The following C17orf99 variants were observed in gnomAD, a reference collection of about 807,000 sequenced individuals.
C17orf99 encodes protein IL-40.
Under a neutral mutation model 22.6 loss-of-function variants are expected in C17orf99, and 18 were observed. That is an observed-to-expected ratio of 0.80 (90% confidence interval 0.55 to 1.18). The LOEUF (loss-of-function observed/expected upper bound fraction) is 1.18, where lower values mean the gene tolerates loss of function less well. Ranked by LOEUF, C17orf99 falls within the 50% of genes most tolerant of loss-of-function variation. The pLI, the probability that C17orf99 is intolerant of heterozygous loss-of-function variation, is 0.00. For synonymous variants in C17orf99, 147 were observed against 136.6 expected (o/e 1.08, Z -0.53); for missense variants, 328 against 342.7 (o/e 0.96, Z 0.34).
At chr17:78,159,505 G>A (rs565239884) in intron 2 of C17orf99, among the ~76,000 whole-genome samples, 45 of 151,852 alleles carry the variant, frequency 3.0e-4, no homozygotes, top group Non-Finnish European at 6.3e-4. Flanking sequence ...CAGGCGTAGT[G>A]GTGGGTGCCT....
At chr17:78,158,005 T>C in intron 2 of C17orf99, 1 of 1,356,518 alleles carries the variant, frequency 7.4e-7, no homozygotes, top group Non-Finnish European at 1.0e-6. Flanking sequence ...TCAAAAGGAA[T>C]GACTTCCAGC....
Position 78,166,142 on chromosome 17 carries a change from G to T in C17orf99, c.*96G>T. On this transcript the variant is annotated 3_prime_UTR_variant, in exon 5 of 5. Coordinates refer to ENST00000340363, the MANE Select transcript of C17orf99 (RefSeq NM_001163075.2). The stretch of plus-strand genomic sequence containing the variant: ...GTTCATGCAAAATGAGTGTGTTTTA[G>T]CTGCTCTTGCCACAAAAAAAAAAAA... 2 of 296,782 alleles carry T rather than the reference G, an allele frequency of 6.7e-6. No homozygotes were observed. The allele number at this position is 296,782 out of a possible 1,614,324, so 18.4% of individuals were successfully genotyped here. A position where few individuals can be genotyped will look rare whatever the true frequency, so the allele number is the denominator to read the frequency against.
At chr17:78,165,771 C>G in intron 4 of C17orf99, 118 bp from the exon 5 acceptor site, 1 of 1,249,286 alleles carries the variant, frequency 8.0e-7, no homozygotes, top group Non-Finnish European at 1.0e-6. Flanking sequence ...CATTGCACTC[C>G]AGCCTGGACA....
At chr17:78,165,782 AAAAGAGC>A (rs2075612808) in intron 4 of C17orf99, 100 bp from the exon 5 acceptor site, 1 of 1,259,740 alleles carries the variant, frequency 7.9e-7, no homozygotes, top group African/African-American at 1.5e-5. Flanking sequence ...AGCCTGGACA[AAAAGAGC>A]AAAACTCCGT....
chr17:78,157,653 C>T (rs1052886405), intron 2 of C17orf99, among the ~76,000 whole-genome samples: 8 of 151,772 alleles, frequency 5.3e-5, no homozygotes, highest in East Asian at 1.9e-4. Context: ...AAAAATTAGC[C>T]GGGCGTGGTG....
At position 78,164,207 on chromosome 17, in the gene C17orf99, G is replaced by T; in HGVS notation, c.483G>T (p.Leu161=). ...GCAGCCCACCTATCACCAACAGCCT[G>T]ATCGGGAAGGATGGGCAGGTCCACC... ...SSGSPPITNS[L]IGKDGQVHLQ... is the part of the protein sequence containing the mutation. Residue 161 remains leucine (L), a synonymous_variant, in exon 4 of 5, where the codon CTG becomes CTT. Coordinates refer to ENST00000340363, the MANE Select transcript of C17orf99 (RefSeq NM_001163075.2). The T allele has an allele frequency of 6.4e-7, 1 of 1,551,652 alleles. No homozygotes were observed.
rs1023110902 is a variant in C17orf99 at position 78,164,815 on chromosome 17, C to T, written c.640+451C>T. 11 of 1,227,252 alleles carry T rather than the reference C, an allele frequency of 9.0e-6. No homozygotes were observed. The Admixed American group carries it at 2.4e-4, about 27-fold the overall frequency. 76.0% of individuals were successfully genotyped at this position (1,227,252 alleles called of 1,614,324 possible). A position where few individuals can be genotyped will look rare whatever the true frequency, so the allele number is the denominator to read the frequency against. On this transcript the variant is annotated intron_variant, in intron 4 of 4. Transcript: ENST00000340363. ...CGGCCATCACCGCTTACGCATGACTCGAAGGTGTTTATGAGGACCTACTGT... is the reference window on the plus strand; with the variant it reads ...CGGCCATCACCGCTTACGCATGACTTGAAGGTGTTTATGAGGACCTACTGT...
chr17:78,146,302 C>T (rs921094757), upstream of C17orf99: 10 of 1,026,564 alleles, frequency 9.7e-6, no homozygotes, highest in African/African-American at 1.1e-4. The surrounding 1 kb of genome is among the most constrained non-coding windows in gnomAD (Gnocchi z 5.2). Flanking sequence ...GTTATCTCCC[C>T]ACTGCAGGCA....
chr17:78,158,726 C>G (rs2075549084), intron 2 of C17orf99: 1 of 166,724 alleles, frequency 6.0e-6, no homozygotes, highest in Non-Finnish European at 1.5e-5. Flanking sequence ...GGAAGCTGCC[C>G]TCCTCTTCCC....
chr17:78,162,282 A>G (rs1431169635), intron 3 of C17orf99, among the ~76,000 whole-genome samples: 1 of 151,534 alleles, frequency 6.6e-6, no homozygotes, highest in Non-Finnish European at 1.5e-5. Flanking sequence ...TCAAAAAAAA[A>G]AAAAAAAAAA....
intron 2 of C17orf99, among the ~76,000 whole-genome samples, chr17:78,148,763 G>T (rs924557286): frequency 2.0e-5 from 3 of 152,216 alleles, no homozygotes; most frequent in Non-Finnish European, 2.9e-5. Context: ...TCAGAGGCAT[G>T]GTGTGGGGTT....
chr17:78,157,285 G>A (rs534318816), intron 2 of C17orf99: 2 of 361,518 alleles, frequency 5.5e-6, no homozygotes, highest in Non-Finnish European at 1.0e-5. Context: ...CCAACACGGT[G>A]AAAACCCATC....
intron 2 of C17orf99, among the ~76,000 whole-genome samples, chr17:78,153,897 GA>G (rs954585766): frequency 2.4e-3 from 318 of 131,466 alleles, no homozygotes; most frequent in African/African-American, 5.8e-3. Context: ...CCTGTTTAGG[GA>G]AAAAAAAAAA....
In C17orf99 at chr17:78,165,991, G is replaced by A. The variant is rs371895105; in HGVS notation, c.743G>A (p.Gly248Glu). 38 of 1,498,546 alleles carry A rather than the reference G, an allele frequency of 2.5e-5. No individual in the cohort carries two copies. The Middle Eastern group carries it at 1.6e-3, about 64-fold the overall frequency. 92.8% of individuals were successfully genotyped at this position (1,498,546 alleles called of 1,614,324 possible). ...CGCCGTCTGAGTGAAGAGGAGTTTG[G>A]GGGGTTCAGGATAGGGAATGGGGAG... Reference protein sequence around the residue: ...STRRLSEEEFGGFRIGNGEVR... With the variant: ...STRRLSEEEFEGFRIGNGEVR... Residue 248 changes from glycine (G) to glutamate (E), a missense_variant, in exon 5 of 5, where the codon GGG becomes GAG. Physicochemically the swap from Gly to Glu is moderately conservative, Grantham distance 98. Transcript: ENST00000340363.
intron 3 of C17orf99, among the ~76,000 whole-genome samples, chr17:78,162,321 T>C (rs1598952519): frequency 6.8e-6 from 1 of 146,424 alleles, no homozygotes; most frequent in Admixed American, 6.8e-5. Context: ...GGCTGGCAAG[T>C]GGCCAAGGCT....
chr17:78,151,496 C>T (rs1386993580), intron 2 of C17orf99, among the ~76,000 whole-genome samples: 4 of 149,504 alleles, frequency 2.7e-5, no homozygotes, highest in African/African-American at 9.9e-5. Flanking sequence ...GAAGGAAACA[C>T]ATTCTCTGAC....
At chr17:78,163,626 G>C (rs1300080660) in intron 3 of C17orf99, among the ~76,000 whole-genome samples, 1 of 152,184 alleles carries the variant, frequency 6.6e-6, no homozygotes, top group East Asian at 1.9e-4. Context: ...CAGCACTTTG[G>C]GAGGCTGAGG....
chr17:78,148,752 G>A (rs1003319676), intron 2 of C17orf99, among the ~76,000 whole-genome samples: 13 of 152,210 alleles, frequency 8.5e-5, no homozygotes, highest in Non-Finnish European at 1.8e-4. Flanking sequence ...ATTGAATGAG[G>A]TCAGAGGCAT....
chr17:78,160,809 C>T, intron 2 of C17orf99, 146 bp from the exon 3 acceptor site: 1 of 652,196 alleles, frequency 1.5e-6, no homozygotes, highest in Non-Finnish European at 2.6e-6. Flanking sequence ...TTTTGAACTC[C>T]TGACCTCAAG....
Sources: allele counts gnomAD v4.1 joint callset (sites outside exome capture counted in the v4.1 genomes callset), GRCh38; gene constraint gnomAD v4.1.1; non-coding constraint Gnocchi (gnomAD v3.1); transcripts MANE v1.5; gene names NCBI Gene and HGNC (gene_info 2026-07-23, HGNC 2026-07-21).